Variants in CDK14 observed in about 807,000 individuals in gnomAD.
CDK14 encodes cyclin dependent kinase 14.
In CDK14, 34 loss-of-function variants were observed where a neutral mutation model predicts 60.7. The observed-to-expected ratio is 0.56, with a 90% CI of 0.43 to 0.75. The LOEUF (loss-of-function observed/expected upper bound fraction) is 0.75, where lower values mean the gene tolerates loss of function less well. Ranked by LOEUF, CDK14 falls within the 30% of genes least tolerant of loss-of-function variation. CDK14 has a pLI of 0.00. For missense variants in CDK14, 482 were observed against 564.1 expected (o/e 0.85, Z 1.47); for synonymous variants, 197 against 203.7 (o/e 0.97, Z 0.28).
intron 1 of CDK14, among the ~76,000 whole-genome samples, chr7:90,602,174 C>A (rs1180013875): frequency 1.3e-5 from 2 of 152,098 alleles, no homozygotes. Context: ...ATTTCCAGAA[C>A]TTTTATAATG....
At chr7:90,976,039 C>T (rs967669673) in intron 9 of CDK14, among the ~76,000 whole-genome samples, 2 of 152,030 alleles carry the variant, frequency 1.3e-5, no homozygotes, top group African/African-American at 4.8e-5. Flanking sequence ...ATTTCTTTTC[C>T]TTTGGATAAA....
chr7:91,082,659 T>C (rs554141291), intron 12 of CDK14, among the ~76,000 whole-genome samples: 30 of 152,322 alleles, frequency 2.0e-4, no homozygotes, highest in African/African-American at 7.2e-4. Context: ...TTTCCTAACT[T>C]TGTGTTCTTG....
Position 90,744,856 on chromosome 7 carries a change from C to A in CDK14, c.370-2825C>A, listed in dbSNP as rs1188008308. ...CCCTCCCGGACGGGGGCTGACCCCC[C>A]CACCTCCCTCCCGGACGGGGCGGCT... On this transcript the variant is annotated intron_variant, in intron 3 of 14. Coordinates refer to ENST00000380050, the MANE Select transcript of CDK14 (RefSeq NM_001287135.2). Among the ~76,000 whole-genome samples the A allele has an allele frequency of 1.3e-4, 19 of 142,024 alleles. 1 individual carries two copies. The highest frequency in any genetic ancestry group is 4.8e-4 in the African/African-American group (18 of 37,426). 93.2% of individuals were successfully genotyped at this position (142,024 alleles called of 152,430 possible).
chr7:90,688,338 GA>G (rs1801483029), intron 2 of CDK14, among the ~76,000 whole-genome samples: 1 of 152,094 alleles, frequency 6.6e-6, no homozygotes, highest in African/African-American at 2.4e-5. Flanking sequence ...ATAGGAAAAG[GA>G]AATATAAAAG....
chr7:91,209,434 A>C lies in CDK14; in HGVS notation c.*2298A>C, dbSNP rs1216915811. 3.3e-5 allele frequency: 5 copies of C among 149,700 alleles called. No homozygotes were observed. The highest frequency in any genetic ancestry group is 5.9e-5 in the Non-Finnish European group (4 of 67,460). The allele number at this position is 149,700 out of a possible 1,614,324, so 9.3% of individuals were successfully genotyped here. On this transcript the variant is annotated 3_prime_UTR_variant, in exon 15 of 15. Coordinates refer to ENST00000380050, the MANE Select transcript of CDK14 (RefSeq NM_001287135.2). The stretch of plus-strand genomic sequence containing the variant: ...CTCTTTCTTTCTCTTTCTCCCCCCA[A>C]ACCCCTCTCACTCCCTCCCTCCCTC...
intron 8 of CDK14, among the ~76,000 whole-genome samples, chr7:90,939,217 G>A (rs1283766903): frequency 1.3e-5 from 2 of 152,172 alleles, no homozygotes; most frequent in African/African-American, 4.8e-5. Flanking sequence ...AGAAGATAAA[G>A]GTATTAAGGA....
intron 6 of CDK14, among the ~76,000 whole-genome samples, chr7:90,865,517 C>T (rs752889838): frequency 2.6e-4 from 40 of 152,082 alleles, no homozygotes; most frequent in Non-Finnish European, 5.1e-4. Context: ...ATAAACTCTA[C>T]TCTTCTTGCA....
chr7:90,952,926 C>G (rs73227068), intron 8 of CDK14, among the ~76,000 whole-genome samples: 5,247 of 152,240 alleles, frequency 0.034, 117 homozygotes, highest in South Asian at 0.071. Flanking sequence ...ATAGCAATAT[C>G]TTTACCAAAA....
At chr7:90,923,129 G>A (rs1443920166) in intron 8 of CDK14, among the ~76,000 whole-genome samples, 3 of 124,824 alleles carry the variant, frequency 2.4e-5, no homozygotes, top group African/African-American at 3.0e-5. Flanking sequence ...TTTTTTTTGA[G>A]ATGGAGTCTT....
At position 90,939,123 on chromosome 7, in the gene CDK14, G is replaced by A. The variant is rs1163693346; in HGVS notation, c.827-16574G>A. On this transcript the variant is annotated intron_variant, in intron 8 of 14. Coordinates refer to ENST00000380050, the MANE Select transcript of CDK14 (RefSeq NM_001287135.2). The stretch of plus-strand genomic sequence containing the variant: ...TAGCGAAATAGCACTTTATGATTCT[G>A]TAACTCAAATTTGTTTTGAAGAGGA... 2.0e-5 allele frequency among the ~76,000 whole-genome samples: 3 copies of A among 152,156 alleles called. No homozygotes were observed. The East Asian group carries it at 5.8e-4, about 29-fold the overall frequency.
rs149372937 is a variant in CDK14, at chr7:90,971,026, C to G, written c.948-13122C>G. 5.3e-3 allele frequency among the ~76,000 whole-genome samples: 811 copies of G among 152,186 alleles called. 8 individuals are homozygous for G. Among genetic ancestry groups the G allele is most frequent in the African/African-American group, 0.018 (764 of 41,524 alleles). On this transcript the variant is annotated intron_variant, in intron 9 of 14. Coordinates refer to ENST00000380050, the MANE Select transcript of CDK14 (RefSeq NM_001287135.2). ...ACATGTGCCATGTTGCGCTCATCAACTCGTCATTTAGCATTAGGTGTATCT... is the reference window on the plus strand; with the variant it reads ...ACATGTGCCATGTTGCGCTCATCAAGTCGTCATTTAGCATTAGGTGTATCT...
intron 8 of CDK14, among the ~76,000 whole-genome samples, chr7:90,943,664 A>AT (rs1179067318): frequency 6.6e-6 from 1 of 152,154 alleles, no homozygotes; most frequent in Non-Finnish European, 1.5e-5. Context: ...ATATTAAAGT[A>AT]TTTTATGTCT....
intron 11 of CDK14, among the ~76,000 whole-genome samples, chr7:91,046,938 A>G (rs929737294): frequency 1.7e-4 from 26 of 152,156 alleles, no homozygotes; most frequent in African/African-American, 6.3e-4. Context: ...TTTACTCTTA[A>G]TATTTTTCTT....
chr7:90,753,208 G>T (rs1803916953), intron 4 of CDK14, among the ~76,000 whole-genome samples: 1 of 151,964 alleles, frequency 6.6e-6, no homozygotes, highest in Non-Finnish European at 1.5e-5. Flanking sequence ...AAAACTAAAA[G>T]CCAATATGCC....
At chr7:90,605,043 C>G (rs537226918) in intron 2 of CDK14, among the ~76,000 whole-genome samples, 1 of 152,292 alleles carries the variant, frequency 6.6e-6, no homozygotes, top group Non-Finnish European at 1.5e-5. Flanking sequence ...TGTGCTTACC[C>G]TAAAGCCTGA....
Position 91,079,485 on chromosome 7 carries a change from G to A in CDK14, c.1154+5G>A. On this transcript the variant is annotated splice_donor_5th_base_variant and intron_variant, in intron 12 of 14. Coordinates refer to ENST00000380050, the MANE Select transcript of CDK14 (RefSeq NM_001287135.2). The stretch of plus-strand genomic sequence containing the variant: ...CCTTAGACAAGCATGGAATAAGTAA[G>A]TCTTTATACAGATTGTGCTCATTCT... 6.3e-7 allele frequency: 1 copy of A among 1,584,904 alleles called. No homozygotes were observed. Among genetic ancestry groups the A allele is most frequent in the Non-Finnish European group, 8.7e-7 (1 of 1,154,588 alleles).
intron 2 of CDK14, among the ~76,000 whole-genome samples, chr7:90,694,011 G>A (rs956981532): frequency 6.6e-6 from 1 of 152,336 alleles, no homozygotes; most frequent in East Asian, 1.9e-4. Context: ...GGTAGGTCAT[G>A]TAATTAAAGG....
At chr7:90,760,844 T>A (rs748465340) in intron 4 of CDK14, among the ~76,000 whole-genome samples, 1 of 152,228 alleles carries the variant, frequency 6.6e-6, no homozygotes, top group Non-Finnish European at 1.5e-5. Flanking sequence ...TTCAGATCTG[T>A]GTATAGGTGA....
intron 4 of CDK14, among the ~76,000 whole-genome samples, chr7:90,785,675 T>C (rs1480289488): frequency 6.6e-6 from 1 of 150,828 alleles, no homozygotes; most frequent in African/African-American, 2.4e-5. Context: ...TAGTCCCAGC[T>C]ACTCGGGAGG....
Sources: allele counts gnomAD v4.1 joint callset (sites outside exome capture counted in the v4.1 genomes callset), GRCh38; gene constraint gnomAD v4.1.1; transcripts MANE v1.5; gene names NCBI Gene and HGNC (gene_info 2026-07-23, HGNC 2026-07-21).